The following AFF1 variants were observed in gnomAD, a reference collection of about 807,000 sequenced individuals.
AFF1 encodes the protein AF4/FMR2 family member 1.
A neutral mutation model predicts 121.7 loss-of-function variants in AFF1; 48 were observed. The ratio of observed to expected loss-of-function variants is 0.39; its 90% CI spans 0.31 to 0.50. The LOEUF (loss-of-function observed/expected upper bound fraction) is 0.50, where lower values mean the gene tolerates loss of function less well. Ranked by LOEUF, AFF1 falls within the 20% of genes least tolerant of loss-of-function variation. The probability of loss-of-function intolerance (pLI) is 0.76; values close to 1 mark genes in which losing one functional copy is unlikely to be tolerated. For synonymous variants in AFF1, 613 were observed against 563.0 expected, an observed-to-expected ratio of 1.09 and a Z score of -1.26; for missense variants, 1,523 against 1,511.7, an observed-to-expected ratio of 1.01 and a Z score of -0.12.
chr4:87,016,300 C>G (rs1353949269), intron 2 of AFF1, among the ~76,000 whole-genome samples: 1 of 152,052 alleles, frequency 6.6e-6, no homozygotes, highest in African/African-American at 2.4e-5. Context: ...GTATTTCTTC[C>G]CAGCCCAAGT....
intron 4 of AFF1, among the ~76,000 whole-genome samples, chr4:87,073,455 A>G (rs1008378393): frequency 6.6e-6 from 1 of 152,070 alleles, no homozygotes; most frequent in Non-Finnish European, 1.5e-5. Flanking sequence ...CAGAGTATAT[A>G]TGCCTCTAGC....
chr4:87,016,487 G>A (rs1727312031), intron 2 of AFF1, among the ~76,000 whole-genome samples: 1 of 151,398 alleles, frequency 6.6e-6, no homozygotes. Context: ...GGAGGGCGGA[G>A]CTTGCAGTGA....
intron 2 of AFF1, among the ~76,000 whole-genome samples, chr4:87,014,888 A>C (rs1432159385): frequency 6.6e-6 from 1 of 152,246 alleles, no homozygotes; most frequent in African/African-American, 2.4e-5. Flanking sequence ...TGTTTTGTAC[A>C]AAACTATGAA....
At chr4:87,068,723 CA>C (rs781028461) in intron 4 of AFF1, among the ~76,000 whole-genome samples, 7 of 152,238 alleles carry the variant, frequency 4.6e-5, no homozygotes, top group Non-Finnish European at 8.8e-5. Flanking sequence ...GGAGCAGAGC[CA>C]GGGGAGTTAT....
At chr4:86,993,311 T>C (rs1724873791) in intron 2 of AFF1, among the ~76,000 whole-genome samples, 1 of 152,236 alleles carries the variant, frequency 6.6e-6, no homozygotes, top group Non-Finnish European at 1.5e-5. Flanking sequence ...GTATAACTAA[T>C]AAGCTGCAAT....
At chr4:86,946,311 C>T (rs990870585) in intron 1 of AFF1, among the ~76,000 whole-genome samples, 1 of 152,046 alleles carries the variant, frequency 6.6e-6, no homozygotes, top group East Asian at 1.9e-4. Flanking sequence ...CTTTGCTTAC[C>T]TTCTGTAGTA....
intron 4 of AFF1, among the ~76,000 whole-genome samples, chr4:87,074,749 A>G (rs899159740): frequency 6.6e-5 from 10 of 152,226 alleles, no homozygotes; most frequent in African/African-American, 2.2e-4. Context: ...GGACCTTGCA[A>G]ACATCAAAAA....
intron 2 of AFF1, among the ~76,000 whole-genome samples, chr4:86,975,164 TCCTC>T (rs2149484184): frequency 6.6e-6 from 1 of 152,308 alleles, no homozygotes; most frequent in East Asian, 1.9e-4. Context: ...GTTTTCCCAT[TCCTC>T]TGTGTTTCTG....
intron 2 of AFF1, among the ~76,000 whole-genome samples, chr4:87,017,211 A>G (rs1283505833): frequency 1.3e-5 from 2 of 150,172 alleles, no homozygotes; most frequent in Non-Finnish European, 2.9e-5. Context: ...TTCAAACTAT[A>G]TGCCTAGCCT....
chr4:87,071,352 C>T (rs945978564), intron 4 of AFF1, among the ~76,000 whole-genome samples: 3 of 152,230 alleles, frequency 2.0e-5, no homozygotes. Context: ...CTGATCTGCT[C>T]AGGGGCCTGT....
In AFF1 at chr4:87,134,586, C is replaced by T. The variant is rs1729141460; in HGVS notation, c.3427C>T (p.Pro1143Ser). 1.2e-6 allele frequency: 2 copies of T among 1,614,146 alleles called. No individual in the cohort carries two copies. Among genetic ancestry groups the T allele is most frequent in the Non-Finnish European group, 1.7e-6 (2 of 1,180,022 alleles). ...TGGGGTGGCTGCCACTATCAGCACC[C>T]CAGTCACCATCCAGAATATGACATC... is the stretch of plus-strand genomic sequence containing the variant. ...SSGVAATIST[P>S]VTIQNMTSSY... The change falls in exon 20 of 21, where the codon CCA (proline) becomes TCA (serine). Residue 1143 changes from proline (P) to serine (S), a missense_variant. By Grantham distance (74) the Pro-to-Ser change is moderately conservative. Coordinates refer to ENST00000395146, the MANE Select transcript of AFF1 (RefSeq NM_001166693.3).
intron 4 of AFF1, among the ~76,000 whole-genome samples, chr4:87,081,733 C>G (rs997419080): frequency 1.3e-5 from 2 of 152,148 alleles, no homozygotes; most frequent in Non-Finnish European, 2.9e-5. Context: ...CCATAATGGA[C>G]TTGACAGGAA....
chr4:86,967,097 TTGTC>T (rs1339581843), intron 2 of AFF1, among the ~76,000 whole-genome samples: 1 of 152,186 alleles, frequency 6.6e-6, no homozygotes, highest in Non-Finnish European at 1.5e-5. Flanking sequence ...GTCCATCCCT[TTGTC>T]TGTCAGTGCT....
intron 2 of AFF1, among the ~76,000 whole-genome samples, chr4:86,981,456 T>C (rs1440699243): frequency 1.3e-5 from 2 of 151,614 alleles, no homozygotes; most frequent in Non-Finnish European, 2.9e-5. Context: ...TGATCTCCAC[T>C]TCCCAGGTTC....
At chr4:87,110,778 TTA>T (rs1207372192) in intron 11 of AFF1, among the ~76,000 whole-genome samples, 2 of 152,144 alleles carry the variant, frequency 1.3e-5, no homozygotes, top group African/African-American at 4.8e-5. Flanking sequence ...TTTTGCCAAT[TTA>T]TTAAAACACC....
At chr4:87,126,468 T>G (rs1175605262) in intron 14 of AFF1, 132 bp downstream of exon 14, 1 of 801,634 alleles carries the variant, frequency 1.2e-6, no homozygotes, top group Non-Finnish European at 2.0e-6. Context: ...TGTTTGTGTT[T>G]AAAATGCTAC....
chr4:87,009,427 T>G lies in AFF1; in HGVS notation c.39-36739T>G, dbSNP rs75938018. On this transcript the variant is annotated intron_variant, in intron 2 of 20. Coordinates refer to ENST00000395146, the MANE Select transcript of AFF1 (RefSeq NM_001166693.3). ...TCCTGCTAAAATTGGTTGTTTGTAA[T>G]ATGTAATAATCCTGAGTTATCAGTG... Among the ~76,000 whole-genome samples, 380 of 152,364 alleles carry G rather than the reference T, an allele frequency of 2.5e-3. 1 individual carries two copies. The highest frequency in any genetic ancestry group is 8.8e-3 in the African/African-American group (364 of 41,584).
intron 1 of AFF1, among the ~76,000 whole-genome samples, chr4:86,945,496 A>AC (rs1720792485): frequency 1.2e-5 from 1 of 83,000 alleles, no homozygotes; most frequent in African/African-American, 5.6e-5. Flanking sequence ...AGCCTTTCCC[A>AC]ATTTTTTTTT....
At chr4:87,044,411 G>A (rs1209355362) in intron 2 of AFF1, among the ~76,000 whole-genome samples, 3 of 152,138 alleles carry the variant, frequency 2.0e-5, no homozygotes, top group African/African-American at 7.2e-5. Flanking sequence ...TGCGAGGTTC[G>A]TTTCTGATGG....
Sources: gnomAD v4.1 joint callset for allele counts (sites outside exome capture counted in the v4.1 genomes callset) on GRCh38, gnomAD v4.1.1 for gene constraint, MANE v1.5 for transcripts, NCBI Gene and HGNC (gene_info 2026-07-23, HGNC 2026-07-21) for gene names.